KCNT1: variants seen among roughly 807,000 people sequenced by gnomAD.
KCNT1 encodes potassium sodium-activated channel subfamily T member 1, also known as potassium channel subfamily T member 1.
KCNT1 carries 78 observed loss-of-function variants against 147.8 expected under a neutral mutation model. The ratio of observed to expected loss-of-function variants is 0.53; its 90% confidence interval spans 0.44 to 0.64. The LOEUF is 0.64. KCNT1 is among the 30% of genes least tolerant of loss of function. KCNT1 has a pLI of 0.00. For synonymous variants in KCNT1, 867 were observed against 748.8 expected (o/e 1.16, Z -2.58); for missense variants, 1,419 against 1,750.3 (o/e 0.81, Z 3.38).
rs1835654719 is a variant in KCNT1 at position 135,714,778 on chromosome 9, C to T, written c.254+58C>T. 9 of 1,133,568 alleles carry T rather than the reference C, an allele frequency of 7.9e-6. No homozygotes were observed. The highest frequency in any genetic ancestry group is 3.4e-5 in the South Asian group (1 of 29,302). The allele number at this position is 1,133,568 out of a possible 1,614,324, so 70.2% of individuals were successfully genotyped here. ...CGCCGTCCCGGCGCCGCCGCACGCC[C>T]GGAGCTGTCCGCGGTGCTGACGGCC... On this transcript the variant is annotated intron_variant, in intron 2 of 30. Transcript: ENST00000371757. This position sits in a 1 kb window ranked among gnomAD's most constrained non-coding sequence, Gnocchi z 6.2.
intron 24 of KCNT1, among the ~76,000 whole-genome samples, chr9:135,780,034 T>C (rs1276964260): frequency 2.0e-5 from 3 of 152,222 alleles, no homozygotes; most frequent in Non-Finnish European, 4.4e-5. Context: ...TGAGCTGGAA[T>C]TGGCTTTCTG....
chr9:135,785,753 C>T (rs1042498069), intron 28 of KCNT1: 2 of 440,808 alleles, frequency 4.5e-6, no homozygotes, highest in Non-Finnish European at 8.3e-6. Context: ...TCCCCAGGTT[C>T]GGGGCCTCCA....
In KCNT1 at chr9:135,752,564, G is replaced by A. The variant is rs1444299118; in HGVS notation, c.435-1373G>A. The A allele has an allele frequency of 2.9e-5, 11 of 379,340 alleles. No homozygotes were observed. Among genetic ancestry groups the A allele is most frequent in the Non-Finnish European group, 5.2e-5 (10 of 190,730 alleles). 23.5% of individuals were successfully genotyped at this position (379,340 alleles called of 1,614,324 possible). A position where few individuals can be genotyped will look rare whatever the true frequency, so the allele number is the denominator to read the frequency against. On this transcript the variant is annotated intron_variant, in intron 4 of 30. Coordinates refer to ENST00000371757, the MANE Select transcript of KCNT1 (RefSeq NM_020822.3). This position sits in a 1 kb window ranked among gnomAD's most constrained non-coding sequence, Gnocchi z 5.1. ...TGCCCGTCCCCTAGCACAGCGTCCA[G>A]GACATGGATGGGGGTGGGAAGATGG...
chr9:135,725,683 G>A (rs992763653), intron 2 of KCNT1, among the ~76,000 whole-genome samples: 4 of 152,096 alleles, frequency 2.6e-5, no homozygotes, highest in Non-Finnish European at 5.9e-5. Context: ...CACCAAAGCC[G>A]GGGGGGCCCC....
intron 2 of KCNT1, among the ~76,000 whole-genome samples, chr9:135,729,513 C>T (rs866954240): frequency 3.3e-4 from 50 of 152,258 alleles, no homozygotes; most frequent in African/African-American, 1.1e-3. Flanking sequence ...TGCAGAAAAC[C>T]AAGCTCAGCT....
intron 23 of KCNT1, 56 bp from the exon 24 acceptor site, chr9:135,779,303 C>G (rs933108999): frequency 8.9e-6 from 10 of 1,119,894 alleles, no homozygotes; most frequent in African/African-American, 1.5e-5. Context: ...GGGCCCCCAC[C>G]CTGAGACCTC....
At chr9:135,720,220 C>T (rs1835871165) in intron 2 of KCNT1, among the ~76,000 whole-genome samples, 1 of 151,974 alleles carries the variant, frequency 6.6e-6, no homozygotes, top group Non-Finnish European at 1.5e-5. Context: ...GTGAATCCAG[C>T]TGCCCCGCAG....
At chr9:135,738,911 C>T (rs1018469314) in intron 2 of KCNT1, among the ~76,000 whole-genome samples, 4 of 152,162 alleles carry the variant, frequency 2.6e-5, no homozygotes, top group Non-Finnish European at 5.9e-5. Context: ...AGGAGACCAT[C>T]ACTGCAAAGC....
At chr9:135,726,947 CTT>C (rs1564323574) in intron 2 of KCNT1, among the ~76,000 whole-genome samples, 52 of 9,008 alleles carry the variant, frequency 5.8e-3, no homozygotes, top group Non-Finnish European at 8.1e-3. Flanking sequence ...CTCTCCCTCT[CTT>C]TCCCATTCTC....
intron 1 of KCNT1, among the ~76,000 whole-genome samples, chr9:135,704,540 G>A (rs914633198): frequency 3.9e-5 from 6 of 152,226 alleles, no homozygotes; most frequent in African/African-American, 1.4e-4. Context: ...ACAGGCCCTG[G>A]AGATGACAGC....
intron 2 of KCNT1, among the ~76,000 whole-genome samples, chr9:135,740,835 T>A (rs937004150): frequency 1.3e-5 from 2 of 152,124 alleles, no homozygotes; most frequent in African/African-American, 4.8e-5. Context: ...CAGGCGAGCA[T>A]CAGGGTCCTC....
chr9:135,717,226 G>A (rs1835756927), intron 2 of KCNT1, among the ~76,000 whole-genome samples: 1 of 150,514 alleles, frequency 6.6e-6, no homozygotes, highest in Non-Finnish European at 1.5e-5. Flanking sequence ...TGGTGTTGGT[G>A]TCTATAGGAT....
chr9:135,708,663 A>C (rs1236052122), intron 1 of KCNT1, among the ~76,000 whole-genome samples: 1 of 152,104 alleles, frequency 6.6e-6, no homozygotes, highest in Non-Finnish European at 1.5e-5. Flanking sequence ...TGATCCTCCC[A>C]CTTCAGCCTC....
intron 19 of KCNT1, 67 bp from the exon 20 acceptor site, chr9:135,775,239 CGAGG>C: frequency 8.1e-7 from 1 of 1,228,846 alleles, no homozygotes; most frequent in Non-Finnish European, 1.1e-6. Flanking sequence ...TCCCCCAGCC[CGAGG>C]GGGGCCCCAG....
intron 21 of KCNT1, 111 bp downstream of exon 21, chr9:135,777,621 G>A (rs547789373): frequency 4.9e-6 from 5 of 1,011,934 alleles, no homozygotes; most frequent in Admixed American, 2.5e-5. Context: ...ACGGGAACAT[G>A]GGGCCTCTGG....
intron 2 of KCNT1, among the ~76,000 whole-genome samples, chr9:135,719,867 G>A (rs571679789): frequency 1.1e-3 from 161 of 152,276 alleles, no homozygotes; most frequent in African/African-American, 1.6e-3. Context: ...CAGGCCTCCC[G>A]GGGTCAGAAC....
intron 29 of KCNT1, among the ~76,000 whole-genome samples, chr9:135,787,702 G>A (rs139565858): frequency 4.8e-4 from 73 of 152,308 alleles, no homozygotes; most frequent in South Asian, 1.2e-3. Flanking sequence ...CCCTGTGGGC[G>A]CTGGGGAAGG....
At chr9:135,704,113 CTGG>C (rs1240398574) in intron 1 of KCNT1, among the ~76,000 whole-genome samples, 1 of 152,200 alleles carries the variant, frequency 6.6e-6, no homozygotes, top group East Asian at 1.9e-4. Flanking sequence ...TTCGTGCTGC[CTGG>C]TGGTGGGGGG....
chr9:135,753,043 T>C (rs1459784928), intron 4 of KCNT1, among the ~76,000 whole-genome samples: 3 of 147,648 alleles, frequency 2.0e-5, no homozygotes, highest in Non-Finnish European at 3.0e-5. Context: ...GATGAGTAGA[T>C]AGATGGATGA....
Sources: allele counts gnomAD v4.1 joint callset (sites outside exome capture counted in the v4.1 genomes callset), GRCh38; gene constraint gnomAD v4.1.1; non-coding constraint Gnocchi (gnomAD v3.1); transcripts MANE v1.5; gene names NCBI Gene and HGNC (gene_info 2026-07-23, HGNC 2026-07-21).